THSD4: variants seen among roughly 807,000 people sequenced by gnomAD.
THSD4 encodes thrombospondin type-1 domain-containing protein 4.
A neutral mutation model predicts 119.0 loss-of-function variants in THSD4; 69 were observed. The ratio of observed to expected loss-of-function variants is 0.58; its 90% CI spans 0.48 to 0.71. The LOEUF (loss-of-function observed/expected upper bound fraction) is 0.71. THSD4 is among the 30% of genes least tolerant of loss of function. THSD4 has a pLI of 0.00. For synonymous variants in THSD4, 524 were observed against 540.4 expected (o/e 0.97, Z 0.42); for missense variants, 1,393 against 1,391.1 (o/e 1.00, Z -0.02).
chr15:71,629,843 AC>A (rs1337751977), intron 7 of THSD4, among the ~76,000 whole-genome samples: 3 of 151,852 alleles, frequency 2.0e-5, no homozygotes, highest in African/African-American at 7.3e-5. Context: ...GTGGTTTGCA[AC>A]CTCAGCTCTC....
At chr15:71,627,091 T>TC (rs879255745) in intron 7 of THSD4, among the ~76,000 whole-genome samples, 2 of 151,898 alleles carry the variant, frequency 1.3e-5, no homozygotes, top group African/African-American at 4.8e-5. Flanking sequence ...TCTTTTTTTT[T>TC]AGGTGTTCAT....
At chr15:71,241,823 C>T (rs752191105) in intron 4 of THSD4, among the ~76,000 whole-genome samples, 6 of 152,182 alleles carry the variant, frequency 3.9e-5, no homozygotes, top group Non-Finnish European at 5.9e-5. Flanking sequence ...GGCCCATGGG[C>T]GTCATGTGGC....
chr15:71,105,662 G>A lies in THSD4; in HGVS notation c.-80+8656G>A, dbSNP rs113876375. ...TCTCTGTGCCAGGACCACGGACAAA[G>A]ACCAAATATACTTCTTATCACACTA... On this transcript the variant is annotated intron_variant, in intron 1 of 17. Transcript: ENST00000355327. Among the ~76,000 whole-genome samples, 515 of 152,284 alleles carry A rather than the reference G, an allele frequency of 3.4e-3. 1 individual carries two copies. Among genetic ancestry groups the A allele is most frequent in the Non-Finnish European group, 4.5e-3 (306 of 68,042 alleles).
In THSD4 at chr15:71,565,608, C is replaced by A. The variant is rs544333704; in HGVS notation, c.1153-94922C>A. 3.3e-5 allele frequency among the ~76,000 whole-genome samples: 5 copies of A among 152,126 alleles called. No homozygotes were observed. In the South Asian group the frequency reaches 1.0e-3, roughly 32 times the overall value. On this transcript the variant is annotated intron_variant, in intron 7 of 17. Coordinates refer to ENST00000261862, the MANE Select transcript of THSD4 (RefSeq NM_024817.3). ...TAGAGAAGTAAAAGACTTTAGCAGG[C>A]TGGAAGGATGTGTTAGAAGTGATGG...
At chr15:71,193,952 C>T (rs1250355955) in intron 3 of THSD4, among the ~76,000 whole-genome samples, 1 of 152,162 alleles carries the variant, frequency 6.6e-6, no homozygotes, top group African/African-American at 2.4e-5. Flanking sequence ...ACCCCATGAT[C>T]TGCCCGCCTC....
At chr15:71,751,122 G>T (rs971645030) in intron 14 of THSD4, among the ~76,000 whole-genome samples, 7 of 152,158 alleles carry the variant, frequency 4.6e-5, no homozygotes, top group Non-Finnish European at 1.0e-4. Flanking sequence ...TACAGCCATT[G>T]GGGAACCCCT....
rs140250503 is a variant in THSD4 at position 71,460,645 on chromosome 15, C to T, written c.1152+48822C>T. ...AGAATCTGGGTTTTGGCCTTTCTCT[C>T]GACGGGCTGGTAGCTGTCTCTTCAG... On this transcript the variant is annotated intron_variant, in intron 7 of 17. Coordinates refer to ENST00000261862, the MANE Select transcript of THSD4 (RefSeq NM_024817.3). Among the ~76,000 whole-genome samples, 502 of 152,238 alleles carry T rather than the reference C, an allele frequency of 3.3e-3. 19 individuals carry two copies. In the South Asian group the frequency reaches 0.064, roughly 19 times the overall value.
intron 14 of THSD4, among the ~76,000 whole-genome samples, chr15:71,754,749 C>T (rs2053508827): frequency 6.6e-6 from 1 of 152,018 alleles, no homozygotes; most frequent in African/African-American, 2.4e-5. Flanking sequence ...AAAAGCATAC[C>T]AATTTTGTTT....
intron 6 of THSD4, among the ~76,000 whole-genome samples, chr15:71,276,584 GT>G (rs993000279): frequency 1.3e-5 from 2 of 152,112 alleles, no homozygotes; most frequent in African/African-American, 4.8e-5. Flanking sequence ...CAGTTCTATG[GT>G]TTTTCAATCT....
chr15:71,505,907 G>A (rs1228436817), intron 7 of THSD4, among the ~76,000 whole-genome samples: 2 of 152,184 alleles, frequency 1.3e-5, no homozygotes, highest in Non-Finnish European at 2.9e-5. Context: ...GTTTCAAGAA[G>A]CAAACAATGA....
intron 7 of THSD4, among the ~76,000 whole-genome samples, chr15:71,533,393 A>G (rs745398895): frequency 6.6e-6 from 1 of 152,158 alleles, no homozygotes; most frequent in African/African-American, 2.4e-5. Context: ...ACTTTTTTTC[A>G]CTTAGTAAAT....
chr15:71,293,478 G>A lies in THSD4; in HGVS notation c.1015+36763G>A, dbSNP rs546180497. Among the ~76,000 whole-genome samples the A allele has an allele frequency of 1.1e-4, 16 of 152,144 alleles. No individual in the cohort carries two copies. The East Asian group carries it at 3.1e-3, about 30-fold the overall frequency. ...TCTCCCCTGCTTGGGGAGGAGCATG[G>A]GGGTTACGTAGTAGCCTGGCTGCAT... On this transcript the variant is annotated intron_variant, in intron 6 of 17. Transcript: ENST00000261862.
chr15:71,476,467 C>T (rs916355936), intron 7 of THSD4, among the ~76,000 whole-genome samples: 2 of 152,130 alleles, frequency 1.3e-5, no homozygotes, highest in African/African-American at 2.4e-5. Context: ...GTCTCGAACT[C>T]GTGACCTCAA....
chr15:71,732,031 C>G (rs1031733565), intron 10 of THSD4: 1 of 152,320 alleles, frequency 6.6e-6, no homozygotes, highest in African/African-American at 2.4e-5. Context: ...TGACCCTGGC[C>G]TCATCACATC....
At chr15:71,547,477 G>T (rs1437561300) in intron 7 of THSD4, 3 of 1,550,208 alleles carry the variant, frequency 1.9e-6, no homozygotes, top group Non-Finnish European at 2.6e-6. Flanking sequence ...AGACCTGGGG[G>T]AGAGGTAAGC....
intron 7 of THSD4, among the ~76,000 whole-genome samples, chr15:71,626,997 T>C (rs960082798): frequency 6.6e-6 from 1 of 152,300 alleles, no homozygotes; most frequent in Non-Finnish European, 1.5e-5. Flanking sequence ...AGGTAGGACA[T>C]AGGAAGATTC....
rs1381452110 is a variant in THSD4 at position 71,782,180 on chromosome 15, T to G, written c.*4806T>G. 6.6e-6 allele frequency: 1 copy of G among 152,250 alleles called. No individual in the cohort carries two copies. Among genetic ancestry groups the G allele is most frequent in the Admixed American group, 6.5e-5 (1 of 15,274 alleles). The allele number at this position is 152,250 out of a possible 1,614,324, so 9.4% of individuals were successfully genotyped here. On this transcript the variant is annotated 3_prime_UTR_variant, in exon 18 of 18. Transcript: ENST00000261862. ...AGCTCGACTGGAGTTTCTGCACCTTTGCAGGGGCAAAGTAACTCCCTGCAC... is the reference window on the plus strand; with the variant it reads ...AGCTCGACTGGAGTTTCTGCACCTTGGCAGGGGCAAAGTAACTCCCTGCAC...
chr15:71,600,619 A>G (rs577677905), intron 7 of THSD4, among the ~76,000 whole-genome samples: 40 of 152,346 alleles, frequency 2.6e-4, no homozygotes, highest in African/African-American at 9.6e-4. Context: ...TGACAATGAC[A>G]ATTAAAGTAG....
chr15:71,768,260 A>G (rs1271305559), intron 16 of THSD4, among the ~76,000 whole-genome samples: 1 of 151,726 alleles, frequency 6.6e-6, no homozygotes, highest in East Asian at 1.9e-4. Context: ...CCCCGGAAGT[A>G]GTCTCACAAA....
Sources: allele counts gnomAD v4.1 joint callset (sites outside exome capture counted in the v4.1 genomes callset), GRCh38; gene constraint gnomAD v4.1.1; transcripts MANE v1.5; gene names NCBI Gene and HGNC (gene_info 2026-07-23, HGNC 2026-07-21).